ASL: variants seen among roughly 807,000 people sequenced by gnomAD.
The protein encoded by ASL is argininosuccinate lyase, also known as argininosuccinase.
In ASL, 51 loss-of-function variants were observed where a neutral mutation model predicts 69.1. The ratio of observed to expected loss-of-function variants is 0.74; its 90% CI spans 0.59 to 0.93. ASL has a LOEUF of 0.93. Ranked by LOEUF, ASL falls within the 40% of genes least tolerant of loss-of-function variation. The pLI, the probability that ASL is intolerant of heterozygous loss-of-function variation, is 0.00. For missense variants in ASL, 540 were observed against 623.9 expected (o/e 0.87, Z 1.43); for synonymous variants, 241 against 247.6 (o/e 0.97, Z 0.25).
chr7:66,077,384 A>G (rs1026133579), intron 2 of ASL, among the ~76,000 whole-genome samples: 2 of 152,064 alleles, frequency 1.3e-5, no homozygotes, highest in African/African-American at 4.8e-5. Flanking sequence ...TGATCTCACC[A>G]CTGCACTCCA....
chr7:66,092,619 G>T lies in ASL; in HGVS notation c.1206G>T (p.Gly402=). The T allele has an allele frequency of 6.2e-7, 1 of 1,613,318 alleles. No individual in the cohort carries two copies. The highest frequency in any genetic ancestry group is 8.5e-7 in the Non-Finnish European group (1 of 1,180,008). Residue 402 remains glycine (G), a synonymous_variant, in exon 16 of 17, where the codon GGG becomes GGT. Coordinates refer to ENST00000304874, the MANE Select transcript of ASL (RefSeq NM_000048.4). The part of the protein sequence containing the change: ...GKAVFMAETK[G]VALNQLSLQE... ...CTGTGTTCATGGCCGAGACCAAGGGGGTCGCCCTCAACCAGCTGTCACTGC... is the reference window on the plus strand; with the variant it reads ...CTGTGTTCATGGCCGAGACCAAGGGTGTCGCCCTCAACCAGCTGTCACTGC...
intron 13 of ASL, 113 bp downstream of exon 13, chr7:66,089,448 C>A: frequency 1.4e-6 from 2 of 1,466,842 alleles, no homozygotes; most frequent in Non-Finnish European, 9.3e-7. Context: ...GTGCACACAG[C>A]TCCATCCGTG....
chr7:66,078,932 CAG>C (rs1330551809), intron 2 of ASL, among the ~76,000 whole-genome samples: 2 of 148,250 alleles, frequency 1.3e-5, no homozygotes, highest in Non-Finnish European at 3.0e-5. Context: ...TGTTTTGAGA[CAG>C]AGTCTTGCTC....
intron 11 of ASL, 43 bp downstream of exon 11, chr7:66,088,964 T>G (rs765601012): frequency 1.2e-6 from 2 of 1,609,138 alleles, no homozygotes; most frequent in Non-Finnish European, 1.7e-6. Context: ...TGCCGGCCTC[T>G]GTATCCCCCG....
chr7:66,084,411 G>A (rs989647214), intron 6 of ASL, among the ~76,000 whole-genome samples: 2 of 151,784 alleles, frequency 1.3e-5, no homozygotes, highest in South Asian at 2.1e-4. Flanking sequence ...ATCTGCCCGC[G>A]TCGGCCTGCC....
At chr7:66,085,174 G>A (rs1175005649) in intron 6 of ASL, among the ~76,000 whole-genome samples, 2 of 152,162 alleles carry the variant, frequency 1.3e-5, no homozygotes, top group South Asian at 2.1e-4. Flanking sequence ...TCTCAGTAAA[G>A]CTGGTTTATT....
intron 2 of ASL, among the ~76,000 whole-genome samples, chr7:66,080,674 A>C (rs1786479511): frequency 6.6e-6 from 1 of 152,190 alleles, no homozygotes; most frequent in African/African-American, 2.4e-5. Flanking sequence ...CAGTGAGCCG[A>C]GATCACGCCA....
chr7:66,087,081 G>T, intron 8 of ASL: 1 of 641,152 alleles, frequency 1.6e-6, no homozygotes, highest in Non-Finnish European at 2.7e-6. Context: ...CATGTGTCAG[G>T]AGACAAGTGT....
rs1262565181 is a variant in ASL at position 66,093,381 on chromosome 7, G to A, written c.*469G>A. On this transcript the variant is annotated 3_prime_UTR_variant, in exon 17 of 17. Transcript: ENST00000304874. ...AAACTGGGCAAGGGCAATGAGAGTC[G>A]TAGACGGGAAGGGAAGAGGGGGCTC... 7.1e-6 allele frequency: 2 copies of A among 282,372 alleles called. No homozygotes were observed. Among genetic ancestry groups the A allele is most frequent in the Non-Finnish European group, 7.0e-6 (1 of 143,172 alleles). 17.5% of individuals were successfully genotyped at this position (282,372 alleles called of 1,614,324 possible).
intron 14 of ASL, 50 bp downstream of exon 14, chr7:66,089,745 G>A (rs751653465): frequency 3.1e-6 from 5 of 1,592,626 alleles, no homozygotes; most frequent in East Asian, 2.3e-5. Flanking sequence ...AGGCACTGGG[G>A]TGGGCATGCG....
intron 3 of ASL, 121 bp from the exon 4 acceptor site, chr7:66,082,247 C>A: frequency 8.4e-7 from 1 of 1,192,736 alleles, no homozygotes; most frequent in Non-Finnish European, 1.2e-6. Flanking sequence ...GGTGCGCTTC[C>A]AGGACTCAGC....
chr7:66,089,205 T>C (rs1256568081), intron 12 of ASL, 30 bp downstream of exon 12: 2 of 1,612,782 alleles, frequency 1.2e-6, no homozygotes, highest in Non-Finnish European at 1.7e-6. Flanking sequence ...GGGCGGGGCC[T>C]CTGGGCTGAT....
intron 15 of ASL, 53 bp downstream of exon 15, chr7:66,092,139 A>G: frequency 1.3e-6 from 2 of 1,582,158 alleles, no homozygotes; most frequent in Non-Finnish European, 1.7e-6. Context: ...CCCCCCCCAG[A>G]GGGTGGGGGA....
rs781287410 is a variant in ASL at position 66,082,945 on chromosome 7, G to GC, written c.348+13dup. 3.1e-6 allele frequency: 5 copies of GC among 1,613,426 alleles called. No homozygotes were observed. The East Asian group carries it at 1.1e-4, about 36-fold the overall frequency. On this transcript the variant is annotated intron_variant, in intron 5 of 16. Coordinates refer to ENST00000304874, the MANE Select transcript of ASL (RefSeq NM_000048.4). The stretch of plus-strand genomic sequence containing the variant: ...GGAGCCGGAATGACCAGGTGCTTTA[G>GC]CCCCTCCACCCCCTGCTCCGTGTTG...
rs60055215 is a variant in ASL, at chr7:66,087,243, CGTGTGTGT to C, written c.603-58_603-51del. Reference sequence around the variant, plus strand: ...GGACTTGGTTCTCTGTGTGTGCGTTCGTGTGTGTGTGTGTGTGTGTGTGTGTGTGTGTG... The same window carrying C: ...GGACTTGGTTCTCTGTGTGTGCGTTCGTGTGTGTGTGTGTGTGTGTGTGTG... On this transcript the variant is annotated intron_variant, in intron 8 of 16. Transcript: ENST00000304874. The C allele has an allele frequency of 0.013, 12,561 of 975,246 alleles. 312 individuals are homozygous for C. Among genetic ancestry groups the C allele is most frequent in the African/African-American group, 0.12 (7,414 of 60,850 alleles). The allele number at this position is 975,246 out of a possible 1,614,324, so 60.4% of individuals were successfully genotyped here. A position where few individuals can be genotyped will look rare whatever the true frequency, so the allele number is the denominator to read the frequency against.
At chr7:66,087,654 C>A in intron 9 of ASL, 75 bp from the exon 10 acceptor site, 1 of 1,559,152 alleles carries the variant, frequency 6.4e-7, no homozygotes, top group East Asian at 2.3e-5. Context: ...GGGGAGGGGG[C>A]TGGGCAACCT....
intron 2 of ASL, among the ~76,000 whole-genome samples, chr7:66,080,715 C>T (rs1786480990): frequency 6.6e-6 from 1 of 152,208 alleles, no homozygotes; most frequent in East Asian, 1.9e-4. Context: ...CAGAGTGAGA[C>T]TCTATCTCAA....
rs373519615 is a variant in ASL at position 66,092,857 on chromosome 7, G to A, written c.1340G>A (p.Ser447Asn). The A allele has an allele frequency of 1.9e-6, 3 of 1,612,710 alleles. No homozygotes were observed. The highest frequency in any genetic ancestry group is 2.5e-6 in the Non-Finnish European group (3 of 1,179,976). ...GCCCTGGGCGGCACTGCGCGCTCCA[G>A]CGTCGACTGGCAGATCCGCCAGGTG... ...YGALGGTARS[S>N]VDWQIRQVRA... The change falls in exon 17 of 17, where the codon AGC becomes AAC. Residue 447 changes from serine to asparagine, a missense_variant. Transcript: ENST00000304874.
rs160643 is a variant in ASL at position 66,093,235 on chromosome 7, G to A, written c.*323G>A. Reference sequence around the variant, plus strand: ...GTAAGGCTGAGGTGAGAGGACACTTGTGCCCAGGAGTGGAGGCTGCAGTGA... The same window carrying A: ...GTAAGGCTGAGGTGAGAGGACACTTATGCCCAGGAGTGGAGGCTGCAGTGA... On this transcript the variant is annotated 3_prime_UTR_variant, in exon 17 of 17. Coordinates refer to ENST00000304874, the MANE Select transcript of ASL (RefSeq NM_000048.4). 52,448 of 439,142 alleles carry A rather than the reference G, an allele frequency of 0.12. 3,732 individuals are homozygous for A. The highest frequency in any genetic ancestry group is 0.23 in the Middle Eastern group (329 of 1,432). 27.2% of individuals were successfully genotyped at this position (439,142 alleles called of 1,614,324 possible).
Sources: gnomAD v4.1 joint callset for allele counts (sites outside exome capture counted in the v4.1 genomes callset) on GRCh38, gnomAD v4.1.1 for gene constraint, MANE v1.5 for transcripts, NCBI Gene and HGNC (gene_info 2026-07-23, HGNC 2026-07-21) for gene names.